EFCAB5: variants seen among roughly 807,000 people sequenced by gnomAD.
EFCAB5 encodes the protein EF-hand calcium binding domain 5, also known as EF-hand calcium-binding domain-containing protein 5.
In EFCAB5, 131 loss-of-function variants were observed where a neutral mutation model predicts 167.9. The observed-to-expected ratio is 0.78, with a 90% confidence interval of 0.68 to 0.90. EFCAB5 has a LOEUF of 0.90. EFCAB5 is among the 40% of genes least tolerant of loss of function. The pLI is 0.00. For missense variants in EFCAB5, 1,663 were observed against 1,745.2 expected (o/e 0.95, Z 0.84); for synonymous variants, 574 against 602.8 (o/e 0.95, Z 0.70).
intron 9 of EFCAB5, among the ~76,000 whole-genome samples, chr17:30,053,025 A>C (rs2070144774): frequency 6.6e-6 from 1 of 152,218 alleles, no homozygotes; most frequent in Non-Finnish European, 1.5e-5. Context: ...TTTATTTCCA[A>C]AATCACACCT....
intron 4 of EFCAB5, among the ~76,000 whole-genome samples, chr17:29,970,669 T>TGC (rs2067933230): frequency 1.7e-5 from 1 of 58,694 alleles, no homozygotes; most frequent in African/African-American, 4.1e-5. Flanking sequence ...CACACACACA[T>TGC]ACACACACAC....
At chr17:29,947,914 C>T (rs2067435460) in intron 3 of EFCAB5, among the ~76,000 whole-genome samples, 2 of 152,188 alleles carry the variant, frequency 1.3e-5, no homozygotes, top group Admixed American at 6.5e-5. Context: ...CAACCTCCGC[C>T]TCCCGAGTTC....
chr17:30,075,585 T>G (rs1238551462), intron 14 of EFCAB5, among the ~76,000 whole-genome samples: 1 of 152,140 alleles, frequency 6.6e-6, no homozygotes, highest in Non-Finnish European at 1.5e-5. Context: ...AAACACCCCA[T>G]GTTGGGCATC....
At chr17:30,018,903 G>A (rs571816512) in intron 7 of EFCAB5, among the ~76,000 whole-genome samples, 1 of 152,254 alleles carries the variant, frequency 6.6e-6, no homozygotes, top group Non-Finnish European at 1.5e-5. Context: ...TGTTTGCACA[G>A]TTGCCACAAT....
chr17:30,091,371 C>G (rs1368513338), intron 20 of EFCAB5, among the ~76,000 whole-genome samples: 1 of 152,162 alleles, frequency 6.6e-6, no homozygotes, highest in African/African-American at 2.4e-5. Flanking sequence ...CAGAGTAACA[C>G]TATGTGGGAT....
At chr17:30,011,498 T>A (rs1030870992) in intron 7 of EFCAB5, among the ~76,000 whole-genome samples, 4 of 152,210 alleles carry the variant, frequency 2.6e-5, no homozygotes, top group Non-Finnish European at 4.4e-5. Context: ...TGGTTTGTGG[T>A]TCTCCTTGAA....
intron 7 of EFCAB5, among the ~76,000 whole-genome samples, chr17:30,004,334 T>C (rs1420065648): frequency 6.6e-6 from 1 of 152,228 alleles, no homozygotes; most frequent in African/African-American, 2.4e-5. Flanking sequence ...GCCACCTCTC[T>C]ACTGCCAGGT....
chr17:29,998,239 A>G (rs982618591), intron 6 of EFCAB5, among the ~76,000 whole-genome samples: 1 of 152,196 alleles, frequency 6.6e-6, no homozygotes, highest in African/African-American at 2.4e-5. Context: ...TTGTTTCAAA[A>G]AATCATTGAA....
At chr17:29,947,928 C>T (rs1019756120) in intron 3 of EFCAB5, among the ~76,000 whole-genome samples, 26 of 152,248 alleles carry the variant, frequency 1.7e-4, no homozygotes, top group Non-Finnish European at 2.8e-4. Context: ...CGAGTTCAAA[C>T]GATTCTCATG....
At chr17:30,064,939 C>T (rs1160348794) in intron 14 of EFCAB5, among the ~76,000 whole-genome samples, 1 of 152,066 alleles carries the variant, frequency 6.6e-6, no homozygotes, top group Non-Finnish European at 1.5e-5. Flanking sequence ...AAAAAAATTA[C>T]CAACCAAGAA....
chr17:29,954,976 T>C (rs1293023118), intron 3 of EFCAB5, among the ~76,000 whole-genome samples: 3 of 152,190 alleles, frequency 2.0e-5, no homozygotes, highest in Non-Finnish European at 4.4e-5. Context: ...GCATGGAGCC[T>C]GTAGCCCCTT....
At chr17:29,953,288 CA>C (rs1489556238) in intron 3 of EFCAB5, among the ~76,000 whole-genome samples, 1 of 151,960 alleles carries the variant, frequency 6.6e-6, no homozygotes, top group Non-Finnish European at 1.5e-5. Flanking sequence ...TCACAATTGC[CA>C]CAAAAAAAAT....
intron 1 of EFCAB5, among the ~76,000 whole-genome samples, chr17:29,930,703 C>T (rs1208179054): frequency 1.3e-5 from 2 of 152,138 alleles, no homozygotes; most frequent in East Asian, 3.9e-4. Flanking sequence ...CTTAACTTTT[C>T]CCCCCCTTCC....
intron 22 of EFCAB5, among the ~76,000 whole-genome samples, chr17:30,105,807 GGTGT>G (rs1351348466): frequency 1.3e-5 from 2 of 151,820 alleles, no homozygotes; most frequent in Non-Finnish European, 2.9e-5. Context: ...ATGCCAGGGT[GGTGT>G]GTGTGTGTGC....
intron 3 of EFCAB5, among the ~76,000 whole-genome samples, chr17:29,958,548 T>G (rs2067661182): frequency 6.6e-6 from 1 of 152,236 alleles, no homozygotes; most frequent in African/African-American, 2.4e-5. Flanking sequence ...TCCTTCTCTG[T>G]GCTATCTTGA....
chr17:29,974,336 C>T (rs1042144571), intron 4 of EFCAB5, among the ~76,000 whole-genome samples: 9 of 151,708 alleles, frequency 5.9e-5, no homozygotes, highest in Non-Finnish European at 1.0e-4. Flanking sequence ...CCCAGGAGTT[C>T]GAGACCAGCC....
chr17:30,049,395 G>T (rs1305104990), intron 8 of EFCAB5, among the ~76,000 whole-genome samples: 3 of 152,030 alleles, frequency 2.0e-5, no homozygotes, highest in Admixed American at 6.5e-5. Context: ...CAGGAGAATT[G>T]CTTGAACCCG....
In EFCAB5 at chr17:30,080,750, C is replaced by T. The variant is rs1305968038; in HGVS notation, c.3198-3C>T. ...CTTCCATCCTCATACTCTTTTTCCT[C>T]AGCTTTACAGTAGTGGATGAAGGGA... On this transcript the variant is annotated splice_region_variant and splice_polypyrimidine_tract_variant and intron_variant, in intron 16 of 22. Transcript: ENST00000394835. The T allele has an allele frequency of 6.3e-7, 1 of 1,588,364 alleles. No homozygotes were observed. Among genetic ancestry groups the T allele is most frequent in the Non-Finnish European group, 8.6e-7 (1 of 1,165,872 alleles).
At chr17:30,102,992 C>G (rs1000568234) in intron 22 of EFCAB5, among the ~76,000 whole-genome samples, 1 of 151,536 alleles carries the variant, frequency 6.6e-6, no homozygotes, top group South Asian at 2.1e-4. Context: ...GCCCACACCA[C>G]CATGCCCAGC....
Sources: gnomAD v4.1 joint callset for allele counts (sites outside exome capture counted in the v4.1 genomes callset) on GRCh38, gnomAD v4.1.1 for gene constraint, MANE v1.5 for transcripts, NCBI Gene and HGNC (gene_info 2026-07-23, HGNC 2026-07-21) for gene names.